IL7: variants seen among roughly 807,000 people sequenced by gnomAD.
IL7 encodes interleukin-7.
A neutral mutation model predicts 21.6 loss-of-function variants in IL7; 3 were observed. That is an observed-to-expected ratio of 0.14 (90% CI 0.06 to 0.36). IL7 has a LOEUF of 0.36. Among genes scored for constraint, IL7 ranks in the 10% least tolerant of loss-of-function variants. The pLI is 1.00. For synonymous variants in IL7, 62 were observed against 68.1 expected (o/e 0.91, Z 0.44); for missense variants, 175 against 200.2 (o/e 0.87, Z 0.76).
intron 2 of IL7, among the ~76,000 whole-genome samples, chr8:78,788,485 G>A (rs1398995339): frequency 6.6e-6 from 1 of 151,906 alleles, no homozygotes; most frequent in Non-Finnish European, 1.5e-5. Flanking sequence ...TGACCCATAT[G>A]TTATCAAAAA....
intron 2 of IL7, among the ~76,000 whole-genome samples, chr8:78,780,579 C>T (rs1813295723): frequency 6.6e-6 from 1 of 152,094 alleles, no homozygotes; most frequent in African/African-American, 2.4e-5. Flanking sequence ...AATTTGATTG[C>T]ACTGTGGTCT....
At chr8:78,678,514 A>G in intron 4 of IL7, 2 of 1,465,314 alleles carry the variant, frequency 1.4e-6, no homozygotes, top group African/African-American at 2.8e-5. Flanking sequence ...CTGTAGTCTT[A>G]CCTTCTGTAG....
intron 5 of IL7, among the ~76,000 whole-genome samples, chr8:78,735,516 G>T (rs1462394716): frequency 6.6e-6 from 1 of 151,830 alleles, no homozygotes; most frequent in Non-Finnish European, 1.5e-5. Flanking sequence ...CACCATGTTG[G>T]CCAGGATGGT....
At chr8:78,742,131 G>A (rs1423282500) in intron 2 of IL7, among the ~76,000 whole-genome samples, 1 of 149,896 alleles carries the variant, frequency 6.7e-6, no homozygotes, top group African/African-American at 2.5e-5. Flanking sequence ...GGCCAACATG[G>A]TGAAACCCCA....
chr8:78,762,399 C>T, intron 2 of IL7: 1 of 1,611,490 alleles, frequency 6.2e-7, no homozygotes, highest in Non-Finnish European at 8.5e-7. Flanking sequence ...TGCTCTTCCG[C>T]GTGCAGTTGG....
chr8:78,713,989 C>T (rs1206255545), downstream of IL7, among the ~76,000 whole-genome samples: 1 of 152,118 alleles, frequency 6.6e-6, no homozygotes. Flanking sequence ...CAGCTATTTA[C>T]AATTTTAGGG....
intron 3 of IL7, among the ~76,000 whole-genome samples, chr8:78,696,202 T>C (rs988514367): frequency 7.2e-5 from 11 of 151,952 alleles, no homozygotes; most frequent in African/African-American, 2.7e-4. Flanking sequence ...GCCCGGCTAA[T>C]TTTTTGTATT....
At chr8:78,750,100 G>A (rs912592294) in intron 2 of IL7, among the ~76,000 whole-genome samples, 3 of 152,034 alleles carry the variant, frequency 2.0e-5, no homozygotes, top group African/African-American at 7.3e-5. Flanking sequence ...AAACTCAAGG[G>A]TGACTATTTT....
chr8:78,746,827 C>T (rs955758515), intron 2 of IL7: 2 of 345,348 alleles, frequency 5.8e-6, no homozygotes, highest in East Asian at 7.7e-5. Context: ...TTTAGATCAA[C>T]TAATTGTCCA....
At chr8:78,693,405 T>C (rs1296587796) in intron 3 of IL7, among the ~76,000 whole-genome samples, 1 of 152,156 alleles carries the variant, frequency 6.6e-6, no homozygotes, top group African/African-American at 2.4e-5. Context: ...TGTTTCCTGA[T>C]TTTTTAATTA....
chr8:78,765,627 T>C (rs1812732054), intron 2 of IL7, among the ~76,000 whole-genome samples: 1 of 151,898 alleles, frequency 6.6e-6, no homozygotes, highest in Non-Finnish European at 1.5e-5. Context: ...AAAACAACAA[T>C]GAGATACCAT....
chr8:78,794,537 T>G (rs886436971), intron 2 of IL7, among the ~76,000 whole-genome samples: 2 of 152,090 alleles, frequency 1.3e-5, no homozygotes, highest in East Asian at 3.8e-4. Context: ...CTATGAAAGT[T>G]CTAGATGTCG....
intron 3 of IL7, 109 bp downstream of exon 3, chr8:78,739,893 C>G (rs1039935624): frequency 3.1e-6 from 3 of 960,232 alleles, no homozygotes; most frequent in Non-Finnish European, 4.2e-6. Context: ...ATTATGTGAT[C>G]AGGCTGCAAA....
chr8:78,676,060 A>T (rs983893378), exon 5 of IL7: 1 of 403,218 alleles, frequency 2.5e-6, no homozygotes, highest in Non-Finnish European at 4.4e-6. Context: ...TGGTCTTCAG[A>T]ACTCTTCTGT....
chr8:78,704,344 C>T (rs1366219334), intron 3 of IL7, among the ~76,000 whole-genome samples: 4 of 148,164 alleles, frequency 2.7e-5, no homozygotes, highest in Non-Finnish European at 4.4e-5. Flanking sequence ...GCCGAGATTG[C>T]GCCATTGTAC....
intron 2 of IL7, among the ~76,000 whole-genome samples, chr8:78,771,714 T>A (rs1812961275): frequency 6.6e-6 from 1 of 152,136 alleles, no homozygotes; most frequent in South Asian, 2.1e-4. Context: ...CATGAAAGCA[T>A]ACTGACACAA....
rs577628641 is a variant in IL7 at position 78,684,470 on chromosome 8, C to T, written n.273+1419G>A. On this transcript the variant is annotated intron_variant and non_coding_transcript_variant, in intron 4 of 4. Transcript: ENST00000523959. ...CCCCCGTGATTCAATTACCTCCTACCGAGTACCCCCATAACAGGTGGAGTT... is the reference window on the plus strand; with the variant it reads ...CCCCCGTGATTCAATTACCTCCTACTGAGTACCCCCATAACAGGTGGAGTT... Among the ~76,000 whole-genome samples, 7 of 152,254 alleles carry T rather than the reference C, an allele frequency of 4.6e-5. No individual in the cohort carries two copies. In the South Asian group the frequency reaches 6.2e-4, roughly 14 times the overall value.
At position 78,752,716 on chromosome 8, in the gene IL7, G is replaced by T. The variant is rs145660086; in HGVS notation, c.148-12634C>A. On this transcript the variant is annotated intron_variant, in intron 2 of 5. Transcript: ENST00000263851. ...CCCGTCAACCCGTCATCTACATTAG[G>T]TATCTCTCTTAATGCTATCTCTCCC... Among the ~76,000 whole-genome samples, 1,335 of 152,142 alleles carry T rather than the reference G, an allele frequency of 8.8e-3. 14 individuals carry two copies. The highest frequency in any genetic ancestry group is 0.03 in the African/African-American group (1,261 of 41,496).
chr8:78,705,067 C>T (rs899703580), intron 3 of IL7, among the ~76,000 whole-genome samples: 6 of 152,274 alleles, frequency 3.9e-5, no homozygotes, highest in East Asian at 1.9e-4. Context: ...CAGTGAACTT[C>T]GTTCCTGTCC....
Sources: allele counts gnomAD v4.1 joint callset (sites outside exome capture counted in the v4.1 genomes callset), GRCh38; gene constraint gnomAD v4.1.1; transcripts MANE v1.5; gene names NCBI Gene and HGNC (gene_info 2026-07-23, HGNC 2026-07-21).